CD6: variants seen among roughly 807,000 people sequenced by gnomAD.
CD6 encodes CD6 molecule.
CD6 carries 53 observed loss-of-function variants against 75.3 expected under a neutral mutation model. The observed-to-expected ratio is 0.70, with a 90% CI of 0.56 to 0.88. The LOEUF (loss-of-function observed/expected upper bound fraction) is 0.88. CD6 is among the 40% of genes least tolerant of loss of function. The probability of loss-of-function intolerance (pLI) is 0.00; values close to 1 mark genes in which losing one functional copy is unlikely to be tolerated. For synonymous variants in CD6, 359 were observed against 381.5 expected (o/e 0.94, Z 0.69); for missense variants, 770 against 897.1 (o/e 0.86, Z 1.81).
chr11:61,009,334 G>A (rs61899224), intron 4 of CD6, among the ~76,000 whole-genome samples: 20,293 of 152,224 alleles, frequency 0.13, 1,725 homozygotes, highest in Non-Finnish European at 0.19. Context: ...CAGAGTCTGC[G>A]TTTCTAACAA....
intron 6 of CD6, among the ~76,000 whole-genome samples, chr11:61,012,216 C>G (rs1369140060): frequency 6.6e-6 from 1 of 152,196 alleles, no homozygotes; most frequent in African/African-American, 2.4e-5. Context: ...TGCCAGGCCC[C>G]GCAGGCAACC....
chr11:60,993,188 C>T (rs2135084691), intron 1 of CD6, among the ~76,000 whole-genome samples: 1 of 151,278 alleles, frequency 6.6e-6, no homozygotes, highest in South Asian at 2.1e-4. Context: ...CAGCCCACAT[C>T]TCCTCCCTAG....
chr11:61,009,946 A>T, intron 5 of CD6, 72 bp downstream of exon 5: 1 of 1,461,750 alleles, frequency 6.8e-7, no homozygotes, highest in Non-Finnish European at 9.1e-7. Context: ...AAAAACTTAC[A>T]GTCCAAGGAC....
Position 61,017,809 on chromosome 11 carries a change from T to C in CD6, c.1633T>C (p.Cys545Arg), listed in dbSNP as rs142883925. The change falls in exon 11 of 13, where the codon TGC (cysteine) becomes CGC (arginine). Residue 545 changes from cysteine to arginine, a missense_variant. By Grantham distance (180) the Cys-to-Arg change is radical. Transcript: ENST00000313421. ...CATCCCAACTGCCAACCCTGGACAC[T>C]GCATTACAGACCCGCCATCCCTGGG... ...SHIPTANPGH[C>R]ITDPPSLGPQ... 7.8e-5 allele frequency: 126 copies of C among 1,613,974 alleles called. No homozygotes were observed. Among genetic ancestry groups the C allele is most frequent in the Non-Finnish European group, 8.6e-5 (101 of 1,180,030 alleles).
Position 60,971,718 on chromosome 11 carries a change from G to C in CD6, c.-148G>C, listed in dbSNP as rs149760391. 50 of 713,988 alleles carry C rather than the reference G, an allele frequency of 7.0e-5. No homozygotes were observed. Among genetic ancestry groups the C allele is most frequent in the Non-Finnish European group, 1.1e-4 (45 of 415,992 alleles). The allele number at this position is 713,988 out of a possible 1,614,324, so 44.2% of individuals were successfully genotyped here. A position where few individuals can be genotyped will look rare whatever the true frequency, so the allele number is the denominator to read the frequency against. On this transcript the variant is annotated 5_prime_UTR_variant, in exon 1 of 13. Coordinates refer to ENST00000313421, the MANE Select transcript of CD6 (RefSeq NM_006725.5). Reference sequence around the variant, plus strand: ...GTTTGATCGCATGCGTGTCGGAGAGGAGAGAGCAGAGAGAGACACAGGAAC... The same window carrying C: ...GTTTGATCGCATGCGTGTCGGAGAGCAGAGAGCAGAGAGAGACACAGGAAC...
intron 1 of CD6, among the ~76,000 whole-genome samples, chr11:60,983,727 C>T (rs952687464): frequency 2.6e-5 from 4 of 151,750 alleles, no homozygotes; most frequent in South Asian, 2.1e-4. Flanking sequence ...ATTGGATAAT[C>T]GACAGAATTT....
chr11:60,976,318 A>C (rs76842286), intron 1 of CD6, among the ~76,000 whole-genome samples: 4,837 of 152,318 alleles, frequency 0.032, 118 homozygotes, highest in Middle Eastern at 0.12. Flanking sequence ...AAGTTCTCTT[A>C]AATATTCTAA....
At chr11:61,002,011 G>C (rs1858607736) in intron 1 of CD6, among the ~76,000 whole-genome samples, 1 of 152,114 alleles carries the variant, frequency 6.6e-6, no homozygotes, top group Non-Finnish European at 1.5e-5. Flanking sequence ...TCATGTTCCT[G>C]CAATCATACC....
Position 60,980,918 on chromosome 11 carries a change from C to T in CD6, c.49+9004C>T, listed in dbSNP as rs183169338. Among the ~76,000 whole-genome samples the T allele has an allele frequency of 8.8e-3, 1,332 of 152,202 alleles. 7 individuals are homozygous for T. The highest frequency in any genetic ancestry group is 0.017 in the Middle Eastern group (5 of 294). On this transcript the variant is annotated intron_variant, in intron 1 of 12. Coordinates refer to ENST00000313421, the MANE Select transcript of CD6 (RefSeq NM_006725.5). ...CTGGAGGTGGGACAGCCTACGAGGG[C>T]CCGGCTGAGGGGAGGTGCTGACCAG... is the stretch of plus-strand genomic sequence containing the variant.
intron 8 of CD6, among the ~76,000 whole-genome samples, chr11:61,014,821 A>G (rs11821510): frequency 6.6e-6 from 1 of 152,178 alleles, no homozygotes; most frequent in Non-Finnish European, 1.5e-5. Flanking sequence ...GAGCTTAATC[A>G]CCTTGCATTA....
At chr11:60,989,537 G>A (rs1201287268) in intron 1 of CD6, 1 of 152,478 alleles carries the variant, frequency 6.6e-6, no homozygotes, top group Non-Finnish European at 1.5e-5. Context: ...CAACATTCGA[G>A]TCAGCTCTTA....
Position 61,019,472 on chromosome 11 carries a change from C to T in CD6, c.*154C>T. On this transcript the variant is annotated 3_prime_UTR_variant, in exon 13 of 13. Coordinates refer to ENST00000313421, the MANE Select transcript of CD6 (RefSeq NM_006725.5). ...GGAAGGAAACGTTATACCTTGTACC[C>T]CTCGGTCTCCATCCATCAAGCCAAA... The T allele has an allele frequency of 1.9e-6, 1 of 531,316 alleles. No individual in the cohort carries two copies. The highest frequency in any genetic ancestry group is 3.2e-6 in the Non-Finnish European group (1 of 310,706). The allele number at this position is 531,316 out of a possible 1,614,324, so 32.9% of individuals were successfully genotyped here.
intron 1 of CD6, among the ~76,000 whole-genome samples, chr11:60,978,106 A>G (rs1857427920): frequency 1.3e-5 from 2 of 152,218 alleles, no homozygotes. Flanking sequence ...TAACTTCCTC[A>G]TCATGTAATA....
chr11:60,996,325 G>A (rs919398106), intron 1 of CD6, among the ~76,000 whole-genome samples: 1 of 152,110 alleles, frequency 6.6e-6, no homozygotes, highest in East Asian at 1.9e-4. Context: ...TTATCCCCCT[G>A]CACTCTGGAC....
At chr11:61,010,513 A>T (rs531051771) in intron 5 of CD6, among the ~76,000 whole-genome samples, 11 of 152,358 alleles carry the variant, frequency 7.2e-5, no homozygotes, top group Non-Finnish European at 1.3e-4. Flanking sequence ...TGGTATTTGC[A>T]TTCTTACGGC....
intron 1 of CD6, among the ~76,000 whole-genome samples, chr11:60,977,785 A>C (rs1436285621): frequency 6.6e-6 from 1 of 152,136 alleles, no homozygotes; most frequent in African/African-American, 2.4e-5. Flanking sequence ...GCCTGACACC[A>C]TGCCTGGCTA....
intron 1 of CD6, among the ~76,000 whole-genome samples, chr11:60,981,625 C>T (rs148241628): frequency 1.3e-5 from 2 of 152,320 alleles, no homozygotes; most frequent in East Asian, 1.9e-4. Flanking sequence ...ATGCCAGGCT[C>T]CTTAGGGTGT....
Position 61,008,701 on chromosome 11 carries a change from G to A in CD6, c.637G>A (p.Gly213Ser). 6.2e-7 allele frequency: 1 copy of A among 1,607,876 alleles called. No homozygotes were observed. The highest frequency in any genetic ancestry group is 8.5e-7 in the Non-Finnish European group (1 of 1,177,766). Residue 213 changes from glycine to serine, a missense_variant, in exon 4 of 13, where the codon GGC (glycine) becomes AGC (serine). Transcript: ENST00000313421. ...GCGWAVQALP[G>S]LHFTPGRGPI... is the part of the protein sequence containing the mutation. ...CGGCTGGGCAGTCCAGGCCCTGCCC[G>A]GCTTGCACTTCACGCCCGGCCGCGG...
At chr11:60,986,251 C>T (rs1021981292) in intron 1 of CD6, among the ~76,000 whole-genome samples, 2 of 152,216 alleles carry the variant, frequency 1.3e-5, no homozygotes, top group Non-Finnish European at 2.9e-5. Context: ...TCACACAACC[C>T]GGCTGTTTGT....
Sources: gnomAD v4.1 joint callset for allele counts (sites outside exome capture counted in the v4.1 genomes callset) on GRCh38, gnomAD v4.1.1 for gene constraint, MANE v1.5 for transcripts, NCBI Gene and HGNC (gene_info 2026-07-23, HGNC 2026-07-21) for gene names.